The following SLC35F3 variants were observed in gnomAD, a reference collection of about 807,000 sequenced individuals.
The protein encoded by SLC35F3 is putative thiamine transporter SLC35F3.
In SLC35F3, 25 loss-of-function variants were observed where a neutral mutation model predicts 49.9. That is an observed-to-expected ratio of 0.50 (90% confidence interval 0.37 to 0.70). The LOEUF (loss-of-function observed/expected upper bound fraction) is 0.70, where lower values mean the gene tolerates loss of function less well. Among genes scored for constraint, SLC35F3 ranks in the 30% least tolerant of loss-of-function variants. SLC35F3 has a pLI of 0.00. For missense variants in SLC35F3, 525 were observed against 639.8 expected, an observed-to-expected ratio of 0.82 and a Z score of 1.94; for synonymous variants, 275 against 265.4, an observed-to-expected ratio of 1.04 and a Z score of -0.35.
chr1:233,980,986 T>C (rs374387573), intron 2 of SLC35F3, among the ~76,000 whole-genome samples: 141 of 152,308 alleles, frequency 9.3e-4, no homozygotes, highest in Non-Finnish European at 1.6e-3. Flanking sequence ...ATTTTTGTCC[T>C]CCTAACTCAC....
At chr1:234,184,236 A>G (rs1332897098) in intron 2 of SLC35F3, among the ~76,000 whole-genome samples, 1 of 148,948 alleles carries the variant, frequency 6.7e-6, no homozygotes, top group East Asian at 1.9e-4. Flanking sequence ...CCTTGCTGCT[A>G]TTGCTTACAT....
chr1:234,267,624 A>G (rs867535496), intron 3 of SLC35F3, among the ~76,000 whole-genome samples: 1,652 of 133,476 alleles, frequency 0.012, 90 homozygotes, highest in African/African-American at 0.045. Context: ...GCGGCTGGCC[A>G]GGCGGGGGGC....
intron 2 of SLC35F3, among the ~76,000 whole-genome samples, chr1:233,971,156 G>A (rs1662985102): frequency 6.6e-6 from 1 of 152,170 alleles, no homozygotes; most frequent in African/African-American, 2.4e-5. Flanking sequence ...ACATCTGACT[G>A]GGGTGCACAC....
chr1:234,005,982 A>G (rs936456863), intron 2 of SLC35F3, among the ~76,000 whole-genome samples: 3 of 152,156 alleles, frequency 2.0e-5, no homozygotes, highest in African/African-American at 7.2e-5. Context: ...ATTGACTTAG[A>G]TAATGTTTAT....
Position 234,040,364 on chromosome 1 carries a change from T to A in SLC35F3, c.283+134606T>A, listed in dbSNP as rs143359651. Among the ~76,000 whole-genome samples, 595 of 152,246 alleles carry A rather than the reference T, an allele frequency of 3.9e-3. 3 individuals are homozygous for A. Among genetic ancestry groups the A allele is most frequent in the African/African-American group, 0.011 (459 of 41,524 alleles). ...CATTTGATTTGTAAAAAGACGTTAT[T>A]CAAAAGGAACCAATCAGGAGAGAGA... On this transcript the variant is annotated intron_variant, in intron 2 of 7. Coordinates refer to ENST00000366618, the MANE Select transcript of SLC35F3 (RefSeq NM_173508.4).
chr1:234,292,567 G>A (rs900625005), intron 3 of SLC35F3, among the ~76,000 whole-genome samples: 5 of 152,198 alleles, frequency 3.3e-5, no homozygotes, highest in Admixed American at 6.5e-5. Flanking sequence ...GGGGCATCCT[G>A]GGGTCTGGAA....
intron 3 of SLC35F3, chr1:234,274,248 C>T (rs1219726902): frequency 2.6e-5 from 4 of 152,200 alleles, no homozygotes; most frequent in South Asian, 2.1e-4. Flanking sequence ...TTCACCAACA[C>T]GCTGCACAGT....
intron 3 of SLC35F3, among the ~76,000 whole-genome samples, chr1:234,264,925 A>T (rs1372064921): frequency 6.6e-6 from 1 of 152,280 alleles, no homozygotes; most frequent in African/African-American, 2.4e-5. Context: ...TTTTTGTGTC[A>T]TCTCCCTTCC....
At chr1:233,948,225 G>C (rs1386643882) in intron 2 of SLC35F3, among the ~76,000 whole-genome samples, 2 of 132,832 alleles carry the variant, frequency 1.5e-5, no homozygotes, top group Non-Finnish European at 3.2e-5. Flanking sequence ...GAGAGGGAGA[G>C]AGGGAGAGAG....
chr1:233,915,640 CAT>C (rs1571977376), intron 2 of SLC35F3, among the ~76,000 whole-genome samples: 1 of 152,052 alleles, frequency 6.6e-6, no homozygotes, highest in East Asian at 1.9e-4. Flanking sequence ...CTAATAAAGA[CAT>C]ATCTGAGATT....
At chr1:234,065,361 C>T (rs1664602279) in intron 2 of SLC35F3, among the ~76,000 whole-genome samples, 1 of 152,110 alleles carries the variant, frequency 6.6e-6, no homozygotes, top group South Asian at 2.1e-4. Flanking sequence ...GTTAGCCAGG[C>T]TGTTCTGGAC....
chr1:234,143,007 A>G (rs925634707), intron 2 of SLC35F3, among the ~76,000 whole-genome samples: 6 of 152,166 alleles, frequency 3.9e-5, no homozygotes, highest in Non-Finnish European at 7.3e-5. Context: ...AGTCAAGCAA[A>G]TTAACATATC....
At chr1:233,968,349 C>CT (rs201976848) in intron 2 of SLC35F3, among the ~76,000 whole-genome samples, 3,800 of 151,580 alleles carry the variant, frequency 0.025, 56 homozygotes, top group Non-Finnish European at 0.033. Flanking sequence ...GACCCTATTT[C>CT]TTTTTTTTTC....
At chr1:234,204,567 G>C (rs1399181386) in intron 2 of SLC35F3, among the ~76,000 whole-genome samples, 1 of 152,152 alleles carries the variant, frequency 6.6e-6, no homozygotes, top group Non-Finnish European at 1.5e-5. Context: ...AATGCCTAAG[G>C]AGCTATCTGT....
At chr1:234,291,245 G>A (rs918483011) in intron 3 of SLC35F3, among the ~76,000 whole-genome samples, 5 of 152,316 alleles carry the variant, frequency 3.3e-5, no homozygotes, top group South Asian at 2.1e-4. Context: ...CAATGCTAAC[G>A]TGCACACATT....
At chr1:234,270,702 T>A (rs534726221) in intron 3 of SLC35F3, among the ~76,000 whole-genome samples, 1 of 152,182 alleles carries the variant, frequency 6.6e-6, no homozygotes, top group Non-Finnish European at 1.5e-5. Context: ...TAAGCTGAGA[T>A]GAGAGCAAAG....
chr1:234,288,855 A>T (rs2677801), intron 3 of SLC35F3, among the ~76,000 whole-genome samples: 31,527 of 152,160 alleles, frequency 0.21, 4,446 homozygotes, highest in East Asian at 0.72. Context: ...ACTGATCCAC[A>T]CTGCCTCCTG....
rs1485875374 is a variant in SLC35F3, at chr1:234,231,401, C to A, written c.284-16C>A. 1 of 1,507,240 alleles carries A rather than the reference C, an allele frequency of 6.6e-7. No individual in the cohort carries two copies. The highest frequency in any genetic ancestry group is 2.4e-5 in the East Asian group (1 of 41,676). The allele number at this position is 1,507,240 out of a possible 1,614,324, so 93.4% of individuals were successfully genotyped here. On this transcript the variant is annotated splice_polypyrimidine_tract_variant and intron_variant, in intron 2 of 7. Transcript: ENST00000366618. This position sits in a 1 kb window ranked among gnomAD's most constrained non-coding sequence, Gnocchi z 5.4. ...AGGTCTGCAGGCCCCGCTAACCACGCCCTTCTCTTCCCCAGGGGAGGAGCG... is the reference window on the plus strand; with the variant it reads ...AGGTCTGCAGGCCCCGCTAACCACGACCTTCTCTTCCCCAGGGGAGGAGCG...
At chr1:233,961,455 C>CTTTTTT (rs35494872) in intron 2 of SLC35F3, among the ~76,000 whole-genome samples, 7 of 130,446 alleles carry the variant, frequency 5.4e-5, no homozygotes, top group Non-Finnish European at 6.3e-5. Context: ...TTTTTCCTCT[C>CTTTTTT]TTTTTTTTTT....
Sources: allele counts gnomAD v4.1 joint callset (sites outside exome capture counted in the v4.1 genomes callset), GRCh38; gene constraint gnomAD v4.1.1; non-coding constraint Gnocchi (gnomAD v3.1); transcripts MANE v1.5; gene names NCBI Gene and HGNC (gene_info 2026-07-23, HGNC 2026-07-21).